Variants in NRXN3 observed in about 807,000 individuals in gnomAD.
NRXN3 encodes the protein neurexin 3, also known as neurexin III.
In NRXN3, 32 loss-of-function variants were observed where a neutral mutation model predicts 137.6. The observed-to-expected ratio is 0.23, with a 90% CI of 0.18 to 0.31. The LOEUF is 0.31. Ranked by LOEUF, NRXN3 falls within the 10% of genes least tolerant of loss-of-function variation. The pLI is 1.00. For synonymous variants in NRXN3, 798 were observed against 784.5 expected (o/e 1.02, Z -0.29); for missense variants, 1,574 against 2,062.5 (o/e 0.76, Z 4.59).
chr14:78,517,842 T>C (rs1173761025), intron 4 of NRXN3, among the ~76,000 whole-genome samples: 1 of 152,182 alleles, frequency 6.6e-6, no homozygotes, highest in Non-Finnish European at 1.5e-5. Flanking sequence ...GGGAAACATA[T>C]GATGTTCACT....
chr14:79,804,873 T>C (rs10138362), intron 19 of NRXN3, among the ~76,000 whole-genome samples: 15,951 of 152,146 alleles, frequency 0.1, 1,147 homozygotes, highest in African/African-American at 0.19. Flanking sequence ...CCTGGAACCA[T>C]CTTGGGTCAC....
At chr14:79,728,760 G>T (rs1043418183) in intron 19 of NRXN3, among the ~76,000 whole-genome samples, 2 of 152,192 alleles carry the variant, frequency 1.3e-5, no homozygotes, top group Admixed American at 6.5e-5. Flanking sequence ...GTTAGCAGTG[G>T]CATGGAATAA....
At chr14:79,339,949 T>G (rs754121866) in intron 15 of NRXN3, among the ~76,000 whole-genome samples, 3 of 152,228 alleles carry the variant, frequency 2.0e-5, no homozygotes, top group Admixed American at 6.5e-5. Flanking sequence ...AAACCTGTCC[T>G]GTGAAACCAT....
At chr14:78,228,376 G>A (rs1403810907) in intron 1 of NRXN3, among the ~76,000 whole-genome samples, 3 of 151,978 alleles carry the variant, frequency 2.0e-5, no homozygotes, top group Non-Finnish European at 4.4e-5. Context: ...GGGGGATCTC[G>A]AACTCCTGAC....
chr14:78,916,824 G>T (rs568199041), intron 10 of NRXN3, among the ~76,000 whole-genome samples: 1 of 152,282 alleles, frequency 6.6e-6, no homozygotes, highest in South Asian at 2.1e-4. Flanking sequence ...TCAAGGTCCT[G>T]GCTGAGTTGG....
intron 19 of NRXN3, among the ~76,000 whole-genome samples, chr14:79,751,375 CTGT>C (rs1374393274): frequency 6.6e-6 from 1 of 151,670 alleles, no homozygotes; most frequent in Non-Finnish European, 1.5e-5. Flanking sequence ...CTCTGTTTGT[CTGT>C]TGTTGGTGTA....
intron 15 of NRXN3, among the ~76,000 whole-genome samples, chr14:79,066,362 A>G (rs764459155): frequency 6.6e-6 from 1 of 152,262 alleles, no homozygotes; most frequent in East Asian, 1.9e-4. Flanking sequence ...CTGTTCTTAT[A>G]CCAGTACCAT....
intron 17 of NRXN3, among the ~76,000 whole-genome samples, chr14:79,689,396 A>G (rs1371419897): frequency 6.6e-6 from 1 of 152,150 alleles, no homozygotes; most frequent in Non-Finnish European, 1.5e-5. Flanking sequence ...TTTCTAAAAC[A>G]GTTCTTACTA....
chr14:78,759,256 T>C (rs2098682452), intron 8 of NRXN3, among the ~76,000 whole-genome samples: 1 of 152,196 alleles, frequency 6.6e-6, no homozygotes, highest in Admixed American at 6.5e-5. Flanking sequence ...TTGTTGGTAA[T>C]AGGTAGTGAT....
intron 19 of NRXN3, among the ~76,000 whole-genome samples, chr14:79,779,393 G>T (rs555049306): frequency 1.3e-5 from 2 of 152,046 alleles, no homozygotes; most frequent in South Asian, 4.1e-4. Context: ...GATTACAGGC[G>T]TGAGCCACCA....
At chr14:79,630,003 G>A (rs1252554033) in intron 16 of NRXN3, among the ~76,000 whole-genome samples, 2 of 152,234 alleles carry the variant, frequency 1.3e-5, no homozygotes, top group African/African-American at 4.8e-5. Flanking sequence ...AGAAATTGTT[G>A]TTAACACACC....
At chr14:78,762,628 G>A (rs1344970870) in intron 8 of NRXN3, among the ~76,000 whole-genome samples, 3 of 152,100 alleles carry the variant, frequency 2.0e-5, no homozygotes, top group African/African-American at 7.2e-5. Context: ...TCCAAAGGGC[G>A]GGGGAAGAAG....
At chr14:79,319,900 G>A (rs1219236645) in intron 15 of NRXN3, among the ~76,000 whole-genome samples, 1 of 152,114 alleles carries the variant, frequency 6.6e-6, no homozygotes, top group African/African-American at 2.4e-5. Context: ...TGTCTGGTTA[G>A]GATATTCCCT....
At chr14:78,736,294 G>A (rs370180502) in intron 8 of NRXN3, among the ~76,000 whole-genome samples, 3 of 152,326 alleles carry the variant, frequency 2.0e-5, no homozygotes, top group African/African-American at 7.2e-5. Flanking sequence ...GTGATGGATA[G>A]ACTGTAGGTT....
intron 4 of NRXN3, among the ~76,000 whole-genome samples, chr14:78,611,681 C>G (rs1019000525): frequency 6.6e-6 from 1 of 152,158 alleles, no homozygotes; most frequent in African/African-American, 2.4e-5. Flanking sequence ...CATTGCAAGT[C>G]AGATTTTCTA....
chr14:79,109,768 T>C (rs990754274), intron 15 of NRXN3, among the ~76,000 whole-genome samples: 5 of 152,176 alleles, frequency 3.3e-5, no homozygotes, highest in Non-Finnish European at 7.4e-5. Context: ...AGGAGAATAT[T>C]AGACATATTT....
intron 4 of NRXN3, among the ~76,000 whole-genome samples, chr14:78,639,278 C>G (rs190782703): frequency 6.6e-6 from 1 of 152,120 alleles, no homozygotes; most frequent in Non-Finnish European, 1.5e-5. Context: ...TGCTGCTGTA[C>G]GAGACCAATT....
At chr14:78,771,002 G>T (rs2098725893) in intron 8 of NRXN3, among the ~76,000 whole-genome samples, 1 of 152,202 alleles carries the variant, frequency 6.6e-6, no homozygotes, top group Non-Finnish European at 1.5e-5. Context: ...GGGCTCTTTA[G>T]CAGAAGTCTC....
chr14:78,569,741 G>A (rs184343898), intron 4 of NRXN3, among the ~76,000 whole-genome samples: 1 of 151,900 alleles, frequency 6.6e-6, no homozygotes, highest in African/African-American at 2.4e-5. Context: ...TGTATTTTTA[G>A]TAGAGATGGG....
Sources: allele counts gnomAD v4.1 joint callset (sites outside exome capture counted in the v4.1 genomes callset), GRCh38; gene constraint gnomAD v4.1.1; transcripts MANE v1.5; gene names NCBI Gene and HGNC (gene_info 2026-07-23, HGNC 2026-07-21).